Variants in LINGO1 observed in about 807,000 individuals in gnomAD.
LINGO1 encodes the protein leucine-rich repeat and immunoglobulin-like domain-containing nogo receptor-interacting protein 1.
LINGO1 carries 11 observed loss-of-function variants against 37.3 expected under a neutral mutation model. The observed-to-expected ratio is 0.29, with a 90% confidence interval of 0.19 to 0.49. LINGO1 has a LOEUF of 0.49. Among genes scored for constraint, LINGO1 ranks in the 20% least tolerant of loss-of-function variants. LINGO1 has a pLI of 0.99. For synonymous variants in LINGO1, 387 were observed against 403.0 expected, an observed-to-expected ratio of 0.96 and a Z score of 0.48; for missense variants, 585 against 878.2, an observed-to-expected ratio of 0.67 and a Z score of 4.22.
At chr15:77,739,580 T>A (rs1366403733) in intron 1 of LINGO1, among the ~76,000 whole-genome samples, 1 of 152,188 alleles carries the variant, frequency 6.6e-6, no homozygotes, top group Non-Finnish European at 1.5e-5. Context: ...AAAAATACTT[T>A]TGGTGAGGTC....
At chr15:77,722,555 T>C (rs1252921832) in intron 2 of LINGO1, among the ~76,000 whole-genome samples, 4 of 152,216 alleles carry the variant, frequency 2.6e-5, no homozygotes, top group Admixed American at 1.3e-4. Context: ...AAAATGGCGA[T>C]GCTAACTCCT....
At chr15:77,625,991 C>A (rs2074077606) in intron 1 of LINGO1, among the ~76,000 whole-genome samples, 2 of 152,200 alleles carry the variant, frequency 1.3e-5, no homozygotes, top group South Asian at 2.1e-4. Flanking sequence ...ACGTTACACA[C>A]CCACTTCACT....
At chr15:77,680,065 C>T (rs577411779) in intron 2 of LINGO1, among the ~76,000 whole-genome samples, 1 of 152,332 alleles carries the variant, frequency 6.6e-6, no homozygotes, top group African/African-American at 2.4e-5. Flanking sequence ...TGAACAAAAG[C>T]GATGCGTGTC....
At chr15:77,791,754 T>C (rs557299770), upstream of LINGO1, among the ~76,000 whole-genome samples, 1 of 152,160 alleles carries the variant, frequency 6.6e-6, no homozygotes, top group South Asian at 2.1e-4. Context: ...TTAGGCCTAG[T>C]ACCAGCCTCA....
upstream of LINGO1, among the ~76,000 whole-genome samples, chr15:77,636,722 G>A (rs558605441): frequency 7.2e-5 from 11 of 152,104 alleles, no homozygotes; most frequent in Non-Finnish European, 1.3e-4. Flanking sequence ...CTCCTTGGAC[G>A]ACCCTGATCC....
At position 77,632,248 on chromosome 15, in the gene LINGO1, C is replaced by T; in HGVS notation, c.6+62G>A. ...AGGGCGCAGCCAGGGCCGATGGCGG[C>T]CCCCAGGGGCACTCGCCGCGGGGCT... On this transcript the variant is annotated intron_variant, in intron 1 of 1. Transcript: ENST00000355300. The surrounding 1 kb of genome is among the most constrained non-coding windows in gnomAD (Gnocchi z 6.0). The T allele has an allele frequency of 7.6e-7, 1 of 1,320,692 alleles. No individual in the cohort carries two copies. The allele number at this position is 1,320,692 out of a possible 1,614,324, so 81.8% of individuals were successfully genotyped here.
chr15:77,810,769 TG>T (rs992603403), intron 1 of LINGO1, among the ~76,000 whole-genome samples: 7 of 152,170 alleles, frequency 4.6e-5, no homozygotes, highest in Non-Finnish European at 7.4e-5. Flanking sequence ...CGGAGAGTAC[TG>T]GGGGAGGAAT....
upstream of LINGO1, among the ~76,000 whole-genome samples, chr15:77,635,179 C>T (rs889422608): frequency 9.2e-5 from 14 of 152,170 alleles, no homozygotes; most frequent in African/African-American, 3.4e-4. Context: ...GGAGGAAGAG[C>T]CCCTTGGCCT....
chr15:77,764,364 C>T (rs1190642388), intron 1 of LINGO1, among the ~76,000 whole-genome samples: 1 of 152,118 alleles, frequency 6.6e-6, no homozygotes, highest in African/African-American at 2.4e-5. Context: ...TTAAATCATC[C>T]GTTCAACAAA....
chr15:77,797,023 T>G (rs2076879475), intron 1 of LINGO1, among the ~76,000 whole-genome samples: 1 of 152,226 alleles, frequency 6.6e-6, no homozygotes. Flanking sequence ...TTCTTCATCA[T>G]ATATTCTCCA....
intron 1 of LINGO1, among the ~76,000 whole-genome samples, chr15:77,630,285 G>A (rs2074215937): frequency 1.3e-5 from 2 of 152,104 alleles, no homozygotes; most frequent in Admixed American, 1.3e-4. Flanking sequence ...CTCCCAACAG[G>A]AACACGCCCC....
At chr15:77,646,564 C>G in intron 3 of LINGO1, 6 of 390,436 alleles carry the variant, frequency 1.5e-5, no homozygotes, top group South Asian at 9.8e-5. Context: ...GGGTTTCCCC[C>G]ACTTCCAAGA....
intron 1 of LINGO1, among the ~76,000 whole-genome samples, chr15:77,745,358 G>A (rs1260153629): frequency 7.9e-5 from 12 of 151,586 alleles, no homozygotes; most frequent in Non-Finnish European, 1.8e-4. Flanking sequence ...CCCGGGAGGT[G>A]GAGCTTGCAG....
intron 1 of LINGO1, among the ~76,000 whole-genome samples, chr15:77,623,832 G>C (rs1257407652): frequency 2.0e-5 from 3 of 150,424 alleles, no homozygotes; most frequent in Non-Finnish European, 4.4e-5. Context: ...CGGGGTGTCT[G>C]TGTGTGTGTG....
At chr15:77,715,581 G>A (rs976460934) in intron 2 of LINGO1, among the ~76,000 whole-genome samples, 4 of 152,136 alleles carry the variant, frequency 2.6e-5, no homozygotes, top group Admixed American at 1.3e-4. Context: ...GGGTAACCCC[G>A]GGCAAGTCAC....
chr15:77,634,196 G>A (rs2074347833), upstream of LINGO1: 1 of 453,666 alleles, frequency 2.2e-6, no homozygotes, highest in African/African-American at 2.0e-5. Flanking sequence ...TGGTTGCCAC[G>A]GAGGGACCTC....
intron 1 of LINGO1, among the ~76,000 whole-genome samples, chr15:77,625,687 T>C (rs1317624820): frequency 6.6e-6 from 1 of 152,186 alleles, no homozygotes; most frequent in Non-Finnish European, 1.5e-5. Flanking sequence ...AGTCCCGCAG[T>C]GATGAGTGGC....
chr15:77,805,541 C>A (rs187604901), intron 1 of LINGO1, among the ~76,000 whole-genome samples: 2 of 152,198 alleles, frequency 1.3e-5, no homozygotes, highest in Admixed American at 1.3e-4. Context: ...GGCCTGCCCT[C>A]AGGGGGCTCT....
chr15:77,771,047 G>C (rs1325486033), intron 1 of LINGO1, among the ~76,000 whole-genome samples: 1 of 152,196 alleles, frequency 6.6e-6, no homozygotes, highest in African/African-American at 2.4e-5. Flanking sequence ...AAGTGAGGCA[G>C]GGTCAGAGAG....
Sources: gnomAD v4.1 joint callset for allele counts (sites outside exome capture counted in the v4.1 genomes callset) on GRCh38, gnomAD v4.1.1 for gene constraint, Gnocchi (gnomAD v3.1) non-coding constraint, MANE v1.5 for transcripts, NCBI Gene and HGNC (gene_info 2026-07-23, HGNC 2026-07-21) for gene names.